REPS2: variants seen among roughly 807,000 people sequenced by gnomAD.
REPS2 encodes the protein RALBP1 associated Eps domain containing 2, also known as ralBP1-associated Eps domain-containing protein 2.
In REPS2, 23 loss-of-function variants were observed where a neutral mutation model predicts 53.6. That is an observed-to-expected ratio of 0.43 (90% CI 0.31 to 0.61). The LOEUF (loss-of-function observed/expected upper bound fraction) is 0.61, where lower values mean the gene tolerates loss of function less well. Among genes scored for constraint, REPS2 ranks in the 20% least tolerant of loss-of-function variants. The probability of loss-of-function intolerance (pLI) is 0.11; values close to 1 mark genes in which losing one functional copy is unlikely to be tolerated. For missense variants in REPS2, 446 were observed against 534.9 expected (o/e 0.83, Z 1.64); for synonymous variants, 238 against 218.6 (o/e 1.09, Z -0.78).
chrX:17,026,095 G>A (rs757505335), intron 4 of REPS2, among the ~76,000 whole-genome samples: 3 of 111,850 alleles, frequency 2.7e-5, no homozygotes, highest in South Asian at 3.7e-4. Flanking sequence ...AGAAGCAGGC[G>A]TGGCATAATG....
At chrX:16,990,007 C>T (rs1024392346) in intron 1 of REPS2, among the ~76,000 whole-genome samples, 2 of 111,878 alleles carry the variant, frequency 1.8e-5, no homozygotes, top group Non-Finnish European at 3.8e-5. Flanking sequence ...GAGTTTTATT[C>T]ATAATAGCCC....
In REPS2 at chrX:16,951,559, A is replaced by ACACACACACCC. The variant is rs879259718; in HGVS notation, c.273+4426_273+4427insACACACACCCC. Among the ~76,000 whole-genome samples the ACACACACACCC allele has an allele frequency of 3.2e-3, 119 of 37,499 alleles. 2 individuals are homozygous for ACACACACACCC. The highest frequency in any genetic ancestry group is 9.0e-3 in the South Asian group (4 of 445). 32.6% of individuals were successfully genotyped at this position (37,499 alleles called of 115,157 possible). A position where few individuals can be genotyped will look rare whatever the true frequency, so the allele number is the denominator to read the frequency against. On this transcript the variant is annotated intron_variant, in intron 1 of 17. Coordinates refer to ENST00000357277, the MANE Select transcript of REPS2 (RefSeq NM_004726.3). ...CACACACACACACACACACACACAC[A>ACACACACACCC]CCCCCGCTACCTACCTCTCTCTGGG...
At chrX:17,059,563 G>A (rs771204860) in intron 8 of REPS2, among the ~76,000 whole-genome samples, 1 of 110,156 alleles carries the variant, frequency 9.1e-6, no homozygotes, top group African/African-American at 3.3e-5. Context: ...TGCCTCCCGG[G>A]TTCAAGCAAT....
intron 1 of REPS2, among the ~76,000 whole-genome samples, chrX:16,958,660 G>A (rs1374258272): frequency 8.9e-6 from 1 of 111,936 alleles, no homozygotes; most frequent in African/African-American, 3.2e-5. Flanking sequence ...GTGGGATGAG[G>A]GGATGGGAGA....
At position 17,022,182 on chromosome X, in the gene REPS2, C is replaced by A; in HGVS notation, c.457C>A (p.Pro153Thr). 2.5e-6 allele frequency: 3 copies of A among 1,208,255 alleles called. No homozygotes were observed. The highest frequency in any genetic ancestry group is 1.1e-6 in the Non-Finnish European group (1 of 892,655). ...TGATGGTGAGATACGATTTGGGAAC[C>A]CAGCTGAGCTGCATGGAACTAAGGT... The part of the protein sequence containing the change: ...KNDGEIRFGN[P>T]AELHGTKVQI... Residue 153 changes from proline (P) to threonine (T), a missense_variant, in exon 3 of 18, where the codon CCA (proline) becomes ACA (threonine). By Grantham distance (38) the Pro-to-Thr change is conservative. Coordinates refer to ENST00000357277, the MANE Select transcript of REPS2 (RefSeq NM_004726.3).
the REPS2 span, among the ~76,000 whole-genome samples, chrX:17,169,334 A>G: frequency 8.9e-6 from 1 of 112,145 alleles, no homozygotes; most frequent in South Asian, 3.7e-4. Context: ...TTGGGGGTAC[A>G]TTAGGCTTTG....
chrX:17,061,289 CGTAG>C (rs756408725), intron 8 of REPS2, among the ~76,000 whole-genome samples: 3 of 111,695 alleles, frequency 2.7e-5, no homozygotes, highest in Non-Finnish European at 5.7e-5. Flanking sequence ...TAGATAGACA[CGTAG>C]GTAGGTAGGT....
chrX:17,189,934 A>G, the REPS2 span, among the ~76,000 whole-genome samples: 12 of 112,159 alleles, frequency 1.1e-4, no homozygotes, highest in Non-Finnish European at 2.1e-4. Context: ...TATTGTGTGC[A>G]AGATATAAAT....
intron 4 of REPS2, among the ~76,000 whole-genome samples, chrX:17,026,632 A>C (rs2061649158): frequency 9.1e-6 from 1 of 110,402 alleles, no homozygotes; most frequent in Non-Finnish European, 1.9e-5. Context: ...CATTCCATAC[A>C]AATTGGGCTT....
the REPS2 span, among the ~76,000 whole-genome samples, chrX:17,161,674 A>C: frequency 9.1e-6 from 1 of 109,843 alleles, no homozygotes; most frequent in Non-Finnish European, 1.9e-5. Context: ...TGCTGTACTC[A>C]TGTTTTTGAC....
At chrX:17,009,510 T>C (rs1442627597) in intron 2 of REPS2, among the ~76,000 whole-genome samples, 1 of 110,881 alleles carries the variant, frequency 9.0e-6, no homozygotes, top group African/African-American at 3.3e-5. Context: ...TGTTACAGCC[T>C]CTGCTTCCCA....
rs144652989 is a variant in REPS2 at position 17,090,071 on chromosome X, T to G, written c.1516+12664T>G. Among the ~76,000 whole-genome samples the G allele has an allele frequency of 3.4e-3, 382 of 112,481 alleles. 5 individuals are homozygous for G. Among genetic ancestry groups the G allele is most frequent in the African/African-American group, 0.012 (374 of 30,985 alleles). On this transcript the variant is annotated intron_variant, in intron 13 of 17. Transcript: ENST00000357277. Reference sequence around the variant, plus strand: ...TTATCTTTTTGATTATCCTACATCCTAGTGTGTGTGAAGTGATATCTCACT... The same window carrying G: ...TTATCTTTTTGATTATCCTACATCCGAGTGTGTGTGAAGTGATATCTCACT...
At chrX:17,029,679 C>T (rs370803004) in intron 5 of REPS2, 56 bp downstream of exon 5, 4 of 859,377 alleles carry the variant, frequency 4.7e-6, no homozygotes, top group Admixed American at 2.7e-5. Context: ...CTTTGGGCTT[C>T]GGGGACATGG....
At chrX:16,997,473 A>G (rs2061246924) in intron 1 of REPS2, among the ~76,000 whole-genome samples, 1 of 112,070 alleles carries the variant, frequency 8.9e-6, no homozygotes, top group African/African-American at 3.2e-5. Flanking sequence ...GTTTTGCCCC[A>G]GGCAGGTGCC....
chrX:17,070,169 AG>A (rs2062284756), intron 11 of REPS2, among the ~76,000 whole-genome samples, 176 bp downstream of exon 11: 1 of 111,697 alleles, frequency 9.0e-6, no homozygotes, highest in African/African-American at 3.3e-5. Context: ...CTCTCTTTTC[AG>A]GTATGAGAAC....
chrX:16,978,055 T>C (rs1462249518), intron 1 of REPS2, among the ~76,000 whole-genome samples: 1 of 112,023 alleles, frequency 8.9e-6, no homozygotes, highest in Non-Finnish European at 1.9e-5. Context: ...TCCTGGGTAG[T>C]TACTCTTCTT....
intron 14 of REPS2, among the ~76,000 whole-genome samples, chrX:17,120,994 C>A (rs760854055): frequency 1.8e-5 from 2 of 111,622 alleles, no homozygotes; most frequent in Non-Finnish European, 3.8e-5. Context: ...GGATCATATG[C>A]CCGTGTCTGT....
At chrX:17,066,605 G>A (rs1232273528) in intron 9 of REPS2, among the ~76,000 whole-genome samples, 1 of 112,380 alleles carries the variant, frequency 8.9e-6, no homozygotes, top group African/African-American at 3.2e-5. Context: ...TGGATACTTC[G>A]TTTTAATGAG....
chrX:16,990,926 T>C (rs1228587727), intron 1 of REPS2, among the ~76,000 whole-genome samples: 1 of 110,998 alleles, frequency 9.0e-6, no homozygotes, highest in Admixed American at 9.6e-5. Context: ...AAATGCTAAA[T>C]AAGAAGCACT....
Sources: allele counts gnomAD v4.1 joint callset (sites outside exome capture counted in the v4.1 genomes callset), GRCh38; gene constraint gnomAD v4.1.1; transcripts MANE v1.5; gene names NCBI Gene and HGNC (gene_info 2026-07-23, HGNC 2026-07-21).